Variants in NME7 observed in about 807,000 individuals in gnomAD.
The protein encoded by NME7 is NME/NM23 family member 7, also known as nucleoside diphosphate kinase 7.
A neutral mutation model predicts 49.1 loss-of-function variants in NME7; 41 were observed. The observed-to-expected ratio is 0.83, with a 90% confidence interval of 0.65 to 1.08. The LOEUF (loss-of-function observed/expected upper bound fraction) is 1.08, where lower values mean the gene tolerates loss of function less well. NME7 is among the 50% of genes least tolerant of loss of function. The pLI is 0.00. For synonymous variants in NME7, 139 were observed against 150.6 expected (o/e 0.92, Z 0.56); for missense variants, 423 against 463.4 (o/e 0.91, Z 0.80).
At chr1:169,159,785 T>A (rs917383454) in intron 11 of NME7, among the ~76,000 whole-genome samples, 1 of 152,176 alleles carries the variant, frequency 6.6e-6, no homozygotes, top group Non-Finnish European at 1.5e-5. Context: ...CCTCCCCTTA[T>A]ATATGAACTC....
rs893213046 is a variant in NME7, at chr1:169,300,515, T to C, written c.441-1752A>G. On this transcript the variant is annotated intron_variant, in intron 5 of 11. Coordinates refer to ENST00000367811, the MANE Select transcript of NME7 (RefSeq NM_013330.5). ...GGCAACAGTAATAATAATATGAGCA[T>C]GCAAAATATTCACTTAAATTTAATT... 5.3e-5 allele frequency among the ~76,000 whole-genome samples: 8 copies of C among 152,246 alleles called. No homozygotes were observed. The East Asian group carries it at 1.2e-3, about 22-fold the overall frequency.
intron 1 of NME7, among the ~76,000 whole-genome samples, chr1:169,341,705 C>A: frequency 6.6e-6 from 1 of 152,190 alleles, no homozygotes; most frequent in South Asian, 2.1e-4. Flanking sequence ...TCACCTCTTC[C>A]ATCAGCATGC....
chr1:169,218,513 G>A (rs1661041392), intron 10 of NME7, among the ~76,000 whole-genome samples: 1 of 152,030 alleles, frequency 6.6e-6, no homozygotes, highest in East Asian at 1.9e-4. Context: ...TTGAGATGGG[G>A]AGATTCAGGC....
intron 11 of NME7, among the ~76,000 whole-genome samples, chr1:169,167,902 A>G (rs924523575): frequency 1.3e-5 from 2 of 152,218 alleles, no homozygotes; most frequent in African/African-American, 4.8e-5. Flanking sequence ...CTTGGTAGCT[A>G]GTCGGGTATG....
At chr1:169,241,401 T>C (rs1245900509) in intron 7 of NME7, among the ~76,000 whole-genome samples, 11 of 152,016 alleles carry the variant, frequency 7.2e-5, no homozygotes, top group African/African-American at 2.4e-4. Context: ...GGCAATTAAG[T>C]ATGAAATCAG....
At chr1:169,147,779 A>G (rs1007526321) in intron 11 of NME7, among the ~76,000 whole-genome samples, 1 of 152,228 alleles carries the variant, frequency 6.6e-6, no homozygotes, top group Non-Finnish European at 1.5e-5. Flanking sequence ...TTTGGATTTC[A>G]TCTATGCTTA....
chr1:169,321,070 T>C (rs1216304847), intron 3 of NME7, among the ~76,000 whole-genome samples: 1 of 152,182 alleles, frequency 6.6e-6, no homozygotes, highest in Admixed American at 6.5e-5. Context: ...ATTTTTATGG[T>C]TGTTATTTTA....
chr1:169,259,195 A>AC (rs1433496245), intron 7 of NME7, among the ~76,000 whole-genome samples: 1 of 133,434 alleles, frequency 7.5e-6, no homozygotes, highest in African/African-American at 2.5e-5. Context: ...AGTTATCATC[A>AC]CCCACATCAA....
At chr1:169,357,344 C>T (rs1653502730) in intron 1 of NME7, among the ~76,000 whole-genome samples, 2 of 151,996 alleles carry the variant, frequency 1.3e-5, no homozygotes, top group Non-Finnish European at 2.9e-5. Context: ...CAAAAGTGGG[C>T]AGAAAGATGA....
chr1:169,230,793 G>C lies in NME7; in HGVS notation c.915C>G (p.Gly305=). ...GTTGAATCTCCATTGCTACACAAGG[G>C]CCAGAATACATTTCTGTCACCATGT... is the stretch of plus-strand genomic sequence containing the variant. The part of the protein sequence containing the change: ...YHDMVTEMYS[G]PCVAMEIQQN... The change falls in exon 10 of 12, where the codon GGC becomes GGG. Residue 305 remains glycine, a synonymous_variant. Transcript: ENST00000367811. 3 of 1,602,760 alleles carry C rather than the reference G, an allele frequency of 1.9e-6. No homozygotes were observed. The highest frequency in any genetic ancestry group is 2.6e-6 in the Non-Finnish European group (3 of 1,175,290).
rs1650818091 is a variant in NME7, at chr1:169,298,808, C to A, written c.441-45G>T. On this transcript the variant is annotated intron_variant, in intron 5 of 11. Transcript: ENST00000367811. ...TTAGTTTGCTTCTTTTTTCTGTCAA[C>A]TAGGTATTTGTCTTAACGACAGGAT... is the stretch of plus-strand genomic sequence containing the variant. 4 of 1,488,152 alleles carry A rather than the reference C, an allele frequency of 2.7e-6. No homozygotes were observed. The Admixed American group carries it at 5.2e-5, about 19-fold the overall frequency. The allele number at this position is 1,488,152 out of a possible 1,614,324, so 92.2% of individuals were successfully genotyped here. A position where few individuals can be genotyped will look rare whatever the true frequency, so the allele number is the denominator to read the frequency against.
chr1:169,220,760 TTTAAA>T (rs1661120030), intron 10 of NME7, among the ~76,000 whole-genome samples: 1 of 152,222 alleles, frequency 6.6e-6, no homozygotes, highest in Non-Finnish European at 1.5e-5. Flanking sequence ...AAAATGTATT[TTTAAA>T]TTATTTTTAC....
intron 1 of NME7, among the ~76,000 whole-genome samples, chr1:169,362,033 C>A (rs1023784932): frequency 1.2e-4 from 19 of 152,044 alleles, no homozygotes; most frequent in African/African-American, 4.6e-4. Context: ...CATGGTGAAA[C>A]CCTGTCTCCA....
rs1033010514 is a variant in NME7, at chr1:169,276,094, T to G, written c.754+11209A>C. Among the ~76,000 whole-genome samples, 4 of 134,328 alleles carry G rather than the reference T, an allele frequency of 3.0e-5. 1 individual carries two copies. The highest frequency in any genetic ancestry group is 1.0e-4 in the African/African-American group (4 of 39,652). The allele number at this position is 134,328 out of a possible 152,430, so 88.1% of individuals were successfully genotyped here. A position where few individuals can be genotyped will look rare whatever the true frequency, so the allele number is the denominator to read the frequency against. On this transcript the variant is annotated intron_variant, in intron 7 of 11. Coordinates refer to ENST00000367811, the MANE Select transcript of NME7 (RefSeq NM_013330.5). ...GCTTGCTGGATTCAGTTTGCCAGTA[T>G]TTTATTGAGGATTTTTGCATCAATG...
chr1:169,323,542 CA>C (rs1216076158), intron 2 of NME7, among the ~76,000 whole-genome samples: 1 of 151,928 alleles, frequency 6.6e-6, no homozygotes, highest in East Asian at 1.9e-4. Flanking sequence ...TGTTTATTAC[CA>C]AATCATTTCA....
At chr1:169,292,924 G>C (rs927504984) in intron 6 of NME7, among the ~76,000 whole-genome samples, 1 of 152,046 alleles carries the variant, frequency 6.6e-6, no homozygotes, top group African/African-American at 2.4e-5. Flanking sequence ...GGGATAAACA[G>C]GGCAGAAGAA....
chr1:169,202,270 A>G (rs554619997), intron 10 of NME7, among the ~76,000 whole-genome samples: 1 of 151,150 alleles, frequency 6.6e-6, no homozygotes, highest in East Asian at 1.9e-4. Flanking sequence ...GGCTTGGGCC[A>G]TCCCTTTGGT....
rs77253593 is a variant in NME7 at position 169,323,383 on chromosome 1, A to G, written c.112-100T>C. 1.8e-3 allele frequency: 1,700 copies of G among 964,270 alleles called. 23 individuals are homozygous for G. The Admixed American group carries it at 0.029, about 17-fold the overall frequency. The allele number at this position is 964,270 out of a possible 1,614,324, so 59.7% of individuals were successfully genotyped here. A position where few individuals can be genotyped will look rare whatever the true frequency, so the allele number is the denominator to read the frequency against. On this transcript the variant is annotated intron_variant, in intron 2 of 11. Coordinates refer to ENST00000367811, the MANE Select transcript of NME7 (RefSeq NM_013330.5). Reference sequence around the variant, plus strand: ...TAGAAATAATTCTTAATTCTGTCTTATCAAAGATAGGTTATATTCTGTTTC... The same window carrying G: ...TAGAAATAATTCTTAATTCTGTCTTGTCAAAGATAGGTTATATTCTGTTTC...
intron 11 of NME7, among the ~76,000 whole-genome samples, chr1:169,155,535 T>C (rs999236865): frequency 6.6e-6 from 1 of 152,246 alleles, no homozygotes; most frequent in Non-Finnish European, 1.5e-5. Flanking sequence ...GCTTCGACCA[T>C]CATGCCTTTG....
Sources: gnomAD v4.1 joint callset for allele counts (sites outside exome capture counted in the v4.1 genomes callset) on GRCh38, gnomAD v4.1.1 for gene constraint, MANE v1.5 for transcripts, NCBI Gene and HGNC (gene_info 2026-07-23, HGNC 2026-07-21) for gene names.